The following ADGRA2 variants were observed in gnomAD, a reference collection of about 807,000 sequenced individuals.
The protein encoded by ADGRA2 is adhesion G protein-coupled receptor A2, also known as G-protein coupled receptor 124.
ADGRA2 carries 61 observed loss-of-function variants against 98.7 expected under a neutral mutation model. The ratio of observed to expected loss-of-function variants is 0.62; its 90% CI spans 0.50 to 0.76. The LOEUF is 0.76. Among genes scored for constraint, ADGRA2 ranks in the 30% least tolerant of loss-of-function variants. The pLI, the probability that ADGRA2 is intolerant of heterozygous loss-of-function variation, is 0.00. For synonymous variants in ADGRA2, 858 were observed against 831.5 expected, an observed-to-expected ratio of 1.03 and a Z score of -0.55; for missense variants, 1,712 against 1,860.0, an observed-to-expected ratio of 0.92 and a Z score of 1.46.
intron 1 of ADGRA2, among the ~76,000 whole-genome samples, chr8:37,812,026 C>A (rs547711029): frequency 3.3e-5 from 5 of 151,694 alleles, no homozygotes; most frequent in Admixed American, 2.6e-4. Flanking sequence ...CACTTGAACC[C>A]GAGAGGCGGA....
In ADGRA2 at chr8:37,834,527, G is replaced by A. The variant is rs1006515280; in HGVS notation, c.1608+399G>A. On this transcript the variant is annotated intron_variant, in intron 11 of 18. Transcript: ENST00000412232. The surrounding 1 kb of genome is among the most constrained non-coding windows in gnomAD (Gnocchi z 4.2). The stretch of plus-strand genomic sequence containing the variant: ...ACAGTACAGCATCGTGTATGTTCAA[G>A]ATATTGTGCTAGGCCCTTGGGGCGA... Among the ~76,000 whole-genome samples, 2 of 152,216 alleles carry A rather than the reference G, an allele frequency of 1.3e-5. No homozygotes were observed. Among genetic ancestry groups the A allele is most frequent in the African/African-American group, 2.4e-5 (1 of 41,460 alleles).
In ADGRA2 at chr8:37,837,914, A is replaced by G. The variant is rs896754986; in HGVS notation, c.2234A>G (p.His745Arg). 6 of 1,467,776 alleles carry G rather than the reference A, an allele frequency of 4.1e-6. No individual in the cohort carries two copies. In the African/African-American group the frequency reaches 8.5e-5, roughly 21 times the overall value. The allele number at this position is 1,467,776 out of a possible 1,614,324, so 90.9% of individuals were successfully genotyped here. The change falls in exon 14 of 19, where the codon CAC (histidine) becomes CGC (arginine). Residue 745 changes from histidine (H) to arginine (R), a missense_variant. Coordinates refer to ENST00000412232, the MANE Select transcript of ADGRA2 (RefSeq NM_032777.10). ...AATGTCAGCGCCCTGCACTGCCAGC[A>G]CTTGGGCAATGTGGCCGTGCTCATG... Reference protein sequence around the residue: ...QPNVSALHCQHLGNVAVLMEL... With the variant: ...QPNVSALHCQRLGNVAVLMEL...
At position 37,831,462 on chromosome 8, in the gene ADGRA2, C is replaced by T. The variant is rs766407418; in HGVS notation, c.972C>T (p.Gly324=). The T allele has an allele frequency of 9.3e-6, 15 of 1,613,122 alleles. No homozygotes were observed. Among genetic ancestry groups the T allele is most frequent in the Non-Finnish European group, 1.1e-5 (13 of 1,180,022 alleles). The change falls in exon 8 of 19, where the codon GGC becomes GGT. Residue 324 remains glycine (G), a synonymous_variant. Transcript: ENST00000412232. ...TLSHIGVWAS[G]EWECTVSMAQ... ...CTCACATCGGCGTGTGGGCCTCAGGCGAGTGGGAGTGCACCGTGTCCATGG... is the reference window on the plus strand; with the variant it reads ...CTCACATCGGCGTGTGGGCCTCAGGTGAGTGGGAGTGCACCGTGTCCATGG...
chr8:37,815,348 C>T (rs1804948736), intron 2 of ADGRA2, among the ~76,000 whole-genome samples: 1 of 152,268 alleles, frequency 6.6e-6, no homozygotes, highest in Non-Finnish European at 1.5e-5. Context: ...CGGCCCTTTT[C>T]CGCCTTTCCT....
In ADGRA2 at chr8:37,829,320, G is replaced by T. The variant is rs763831575; in HGVS notation, c.470G>T (p.Arg157Met). 2 of 1,613,142 alleles carry T rather than the reference G, an allele frequency of 1.2e-6. No individual in the cohort carries two copies. The highest frequency in any genetic ancestry group is 1.7e-5 in the Admixed American group (1 of 59,968). ...TCCGAGACCTTCCAGGGCCTCCCCA[G>T]GCTTCTCCGACTGTAAGTGATGGGG... is the stretch of plus-strand genomic sequence containing the variant. ...LTSETFQGLP[R>M]LLRLNISGNI... The change falls in exon 4 of 19, where the codon AGG (arginine) becomes ATG (methionine). Residue 157 changes from arginine (R) to methionine (M), a missense_variant. By Grantham distance (91) the Arg-to-Met change is moderately conservative. Transcript: ENST00000412232.
At chr8:37,836,097 A>ACACACACACACACC (rs1245868623) in intron 13 of ADGRA2, among the ~76,000 whole-genome samples, 3 of 108,636 alleles carry the variant, frequency 2.8e-5, no homozygotes, top group Admixed American at 8.8e-5. Context: ...ACACACACAC[A>ACACACACACACACC]CCCCACAGGC....
intron 1 of ADGRA2, among the ~76,000 whole-genome samples, chr8:37,808,795 CTT>C (rs968830991): frequency 2.0e-5 from 3 of 152,028 alleles, no homozygotes; most frequent in Non-Finnish European, 4.4e-5. Flanking sequence ...TCTAGAAAAA[CTT>C]TTTTCTTTCT....
rs747062802 is a variant in ADGRA2, at chr8:37,814,847, C to G, written c.267-49C>G. The G allele has an allele frequency of 1.4e-6, 2 of 1,390,664 alleles. No homozygotes were observed. The highest frequency in any genetic ancestry group is 1.7e-5 in the Admixed American group (1 of 59,500). The allele number at this position is 1,390,664 out of a possible 1,614,324, so 86.1% of individuals were successfully genotyped here. ...CCCACCAGTGGTGAAAGCGGATGCC[C>G]AGCACATAACAGCACCTTGTCCTGT... On this transcript the variant is annotated intron_variant, in intron 1 of 18. Coordinates refer to ENST00000412232, the MANE Select transcript of ADGRA2 (RefSeq NM_032777.10). The surrounding 1 kb of genome is among the most constrained non-coding windows in gnomAD (Gnocchi z 4.3).
At chr8:37,806,030 T>G (rs943267121) in intron 1 of ADGRA2, among the ~76,000 whole-genome samples, 1 of 152,116 alleles carries the variant, frequency 6.6e-6, no homozygotes, top group African/African-American at 2.4e-5. Context: ...GTCTGCTTTC[T>G]TCACTCAAAA....
intron 1 of ADGRA2, among the ~76,000 whole-genome samples, chr8:37,801,693 C>G (rs1212668944): frequency 6.6e-6 from 1 of 152,198 alleles, no homozygotes; most frequent in Non-Finnish European, 1.5e-5. Context: ...ATAAGGAAGC[C>G]CAGTCCCACA....
In ADGRA2 at chr8:37,837,883, C is replaced by A; in HGVS notation, c.2203C>A (p.Gln735Lys). The change falls in exon 14 of 19, where the codon CAG (glutamine) becomes AAG (lysine). Residue 735 changes from glutamine (Q) to lysine (K), a missense_variant. Transcript: ENST00000412232. ...TSEGCQLRSS[Q>K]PNVSALHCQH... ...GGAGGGCTGCCAGCTCCGCTCCAGCCAGCCCAATGTCAGCGCCCTGCACTG... is the reference window on the plus strand; with the variant it reads ...GGAGGGCTGCCAGCTCCGCTCCAGCAAGCCCAATGTCAGCGCCCTGCACTG... 6.7e-7 allele frequency: 1 copy of A among 1,493,566 alleles called. No individual in the cohort carries two copies. Among genetic ancestry groups the A allele is most frequent in the East Asian group, 2.4e-5 (1 of 40,976 alleles). The allele number at this position is 1,493,566 out of a possible 1,614,324, so 92.5% of individuals were successfully genotyped here. A position where few individuals can be genotyped will look rare whatever the true frequency, so the allele number is the denominator to read the frequency against.
intron 10 of ADGRA2, 21 bp from the exon 11 acceptor site, chr8:37,833,946 G>T: frequency 2.5e-6 from 4 of 1,608,492 alleles, no homozygotes; most frequent in Non-Finnish European, 3.4e-6. Flanking sequence ...CCTGCCCTCA[G>T]CAACTTCCCT....
At chr8:37,798,402 G>C (rs898133303) in intron 1 of ADGRA2, among the ~76,000 whole-genome samples, 2 of 152,170 alleles carry the variant, frequency 1.3e-5, no homozygotes, top group Admixed American at 6.5e-5. Context: ...CCTTTGCTTT[G>C]CTGGCAGCGA....
Position 37,838,935 on chromosome 8 carries a change from CTCCTTCCTG to C in ADGRA2, c.2260-20_2260-12del. The C allele has an allele frequency of 6.5e-7, 1 of 1,549,822 alleles. No individual in the cohort carries two copies. The highest frequency in any genetic ancestry group is 2.3e-5 in the East Asian group (1 of 44,206). On this transcript the variant is annotated splice_polypyrimidine_tract_variant and intron_variant, in intron 14 of 18. Coordinates refer to ENST00000412232, the MANE Select transcript of ADGRA2 (RefSeq NM_032777.10). ...GCGAGGTGTCCACATTCCTCACGTC[CTCCTTCCTG>C]CCCTTTCCCAGGAGCTGAGCGCCTT...
chr8:37,833,262 G>A, intron 9 of ADGRA2, 54 bp downstream of exon 9: 1 of 1,410,196 alleles, frequency 7.1e-7, no homozygotes, highest in Non-Finnish European at 9.7e-7. Flanking sequence ...ACAGGGAAGG[G>A]AGAAGCCAAC....
chr8:37,844,632 G>A lies in ADGRA2; in HGVS notation c.*2277G>A. The A allele has an allele frequency of 6.2e-7, 1 of 1,614,118 alleles. No homozygotes were observed. Among genetic ancestry groups the A allele is most frequent in the East Asian group, 2.2e-5 (1 of 44,874 alleles). On this transcript the variant is annotated 3_prime_UTR_variant, in exon 19 of 19. Coordinates refer to ENST00000412232, the MANE Select transcript of ADGRA2 (RefSeq NM_032777.10). ...ATCTCCAGTGACAGTGGAGACAGGG[G>A]GTACAGGGCAGATCCGCTTCGGGGA... is the stretch of plus-strand genomic sequence containing the variant.
At chr8:37,839,119 A>T (rs1225811002) in intron 15 of ADGRA2, 36 bp downstream of exon 15, 8 of 1,607,742 alleles carry the variant, frequency 5.0e-6, no homozygotes, top group Non-Finnish European at 6.8e-6. Context: ...CGTGGTGGGC[A>T]GGCATGGAAG....
intron 1 of ADGRA2, among the ~76,000 whole-genome samples, chr8:37,800,269 C>T (rs570465759): frequency 2.6e-5 from 4 of 152,238 alleles, no homozygotes; most frequent in African/African-American, 9.6e-5. Context: ...GATGTATGGA[C>T]CGGGAGGTGG....
rs1804921698 is a variant in ADGRA2, at chr8:37,814,386, T to G, written c.267-510T>G. On this transcript the variant is annotated intron_variant, in intron 1 of 18. Coordinates refer to ENST00000412232, the MANE Select transcript of ADGRA2 (RefSeq NM_032777.10). This position sits in a 1 kb window ranked among gnomAD's most constrained non-coding sequence, Gnocchi z 4.3. ...ACTCAGGCCCTCTGAGATGGGGGCCTGTGAGGTCCTTCGCTCACAGGTGAG... is the reference window on the plus strand; with the variant it reads ...ACTCAGGCCCTCTGAGATGGGGGCCGGTGAGGTCCTTCGCTCACAGGTGAG... 6.6e-6 allele frequency among the ~76,000 whole-genome samples: 1 copy of G among 152,190 alleles called. No individual in the cohort carries two copies. The highest frequency in any genetic ancestry group is 1.5e-5 in the Non-Finnish European group (1 of 68,014).
Sources: gnomAD v4.1 joint callset for allele counts (sites outside exome capture counted in the v4.1 genomes callset) on GRCh38, gnomAD v4.1.1 for gene constraint, Gnocchi (gnomAD v3.1) non-coding constraint, MANE v1.5 for transcripts, NCBI Gene and HGNC (gene_info 2026-07-23, HGNC 2026-07-21) for gene names.